Variants in HTD2 observed in about 807,000 individuals in gnomAD.
HTD2 encodes the protein hydroxyacyl-thioester dehydratase type 2, mitochondrial.
Under a neutral mutation model 3.1 loss-of-function variants are expected in HTD2, and 1 was observed. The ratio of observed to expected loss-of-function variants is 0.32; its 90% CI spans 0.11 to 1.52. The LOEUF is 1.52. HTD2 is among the 40% of genes most tolerant of loss of function. HTD2 has a pLI of 0.39. For synonymous variants in HTD2, 50 were observed against 28.9 expected, an observed-to-expected ratio of 1.73 and a Z score of -2.34; for missense variants, 150 against 79.6, an observed-to-expected ratio of 1.88 and a Z score of -3.36.
intron 4 of HTD2, 94 bp downstream of exon 4, chr3:58,317,087 G>A: frequency 1.1e-6 from 1 of 896,376 alleles, no homozygotes; most frequent in Non-Finnish European, 1.8e-6. Flanking sequence ...TTGCATAAAT[G>A]TAATATGGTT....
At chr3:58,312,586 G>A (rs149748422) in intron 2 of HTD2, among the ~76,000 whole-genome samples, 110 of 152,272 alleles carry the variant, frequency 7.2e-4, no homozygotes, top group African/African-American at 2.6e-3. Flanking sequence ...TACTCAAAGT[G>A]TGGCCTAGAC....
chr3:58,311,563 G>A (rs1014752909), intron 2 of HTD2, among the ~76,000 whole-genome samples: 1 of 151,988 alleles, frequency 6.6e-6, no homozygotes, highest in Non-Finnish European at 1.5e-5. Context: ...TCATGATGCT[G>A]CAAATGACAG....
chr3:58,314,346 G>C (rs2097485892), intron 2 of HTD2, among the ~76,000 whole-genome samples: 1 of 152,062 alleles, frequency 6.6e-6, no homozygotes, highest in Non-Finnish European at 1.5e-5. Flanking sequence ...GAGAGACTCT[G>C]TCTCAAAAAA....
In HTD2 at chr3:58,317,636, A is replaced by G. The variant is rs1204457438; in HGVS notation, c.23A>G (p.His8Arg). 4.1e-6 allele frequency: 3 copies of G among 731,888 alleles called. No homozygotes were observed. In the South Asian group the frequency reaches 4.4e-5, roughly 11 times the overall value. The allele number at this position is 731,888 out of a possible 1,614,324, so 45.3% of individuals were successfully genotyped here. ...AAGATGTTCCCACTAATTTCCAGCC[A>G]TCACCTTTGGTGGGGTGGGCTTCGG... MFPLISS[H>R]HLWWGGLRRT... Residue 8 changes from histidine to arginine, a missense_variant, in exon 5 of 5, where the codon CAT becomes CGT. Transcript: ENST00000461393.
At chr3:58,314,917 C>T (rs13081138) in intron 2 of HTD2, among the ~76,000 whole-genome samples, 10,669 of 152,024 alleles carry the variant, frequency 0.07, 492 homozygotes, top group South Asian at 0.1. Flanking sequence ...AATCTCTTGA[C>T]CTTGTGATCC....
At position 58,317,475 on chromosome 3, in the gene HTD2, T is replaced by C; in HGVS notation, c.-139T>C. 3 of 1,597,454 alleles carry C rather than the reference T, an allele frequency of 1.9e-6. No homozygotes were observed. Among genetic ancestry groups the C allele is most frequent in the South Asian group, 1.1e-5 (1 of 90,604 alleles). ...TTCTTCTTGCATTATCTGGTAATAG[T>C]AGGGAACTAGTATTGGATTGAATGA... On this transcript the variant is annotated 5_prime_UTR_variant, in exon 5 of 5. Transcript: ENST00000461393.
At chr3:58,316,859 A>G (rs17059171) in intron 3 of HTD2, 56 bp from the exon 4 acceptor site, 128,838 of 1,400,158 alleles carry the variant, frequency 0.092, 7,828 homozygotes, top group African/African-American at 0.27. Context: ...CCTTAGTTGA[A>G]GTTCATTTTG....
chr3:58,313,091 G>A (rs1040115117), intron 2 of HTD2, among the ~76,000 whole-genome samples: 1 of 151,610 alleles, frequency 6.6e-6, no homozygotes, highest in Non-Finnish European at 1.5e-5. Context: ...GTGAAACCCT[G>A]TCTCTACTAA....
chr3:58,315,017 G>A (rs2097486823), intron 2 of HTD2, among the ~76,000 whole-genome samples: 1 of 152,074 alleles, frequency 6.6e-6, no homozygotes, highest in African/African-American at 2.4e-5. Flanking sequence ...ACGTGCATCT[G>A]CCATAGAACC....
intron 3 of HTD2, 148 bp from the exon 4 acceptor site, chr3:58,316,767 G>C (rs1000643635): frequency 2.3e-6 from 2 of 864,396 alleles, no homozygotes; most frequent in African/African-American, 1.7e-5. Flanking sequence ...CTCTAGAGAG[G>C]GCAAAACTTA....
chr3:58,309,140 G>A (rs1173323755), intron 1 of HTD2, among the ~76,000 whole-genome samples: 1 of 152,210 alleles, frequency 6.6e-6, no homozygotes, highest in Admixed American at 6.5e-5. Flanking sequence ...ACGGCAGAAC[G>A]ACCATCCCTC....
chr3:58,316,486 G>A (rs1575548034), intron 2 of HTD2, 29 bp from the exon 3 acceptor site: 1 of 1,585,658 alleles, frequency 6.3e-7, no homozygotes, highest in East Asian at 2.2e-5. Context: ...GGTGAGAATA[G>A]CCTGCTAATA....
At position 58,314,928 on chromosome 3, in the gene HTD2, G is replaced by A. The variant is rs1056800002; in HGVS notation, c.-330-1587G>A. Among the ~76,000 whole-genome samples, 4 of 151,982 alleles carry A rather than the reference G, an allele frequency of 2.6e-5. No individual in the cohort carries two copies. In the South Asian group the frequency reaches 6.2e-4, roughly 24 times the overall value. ...TCTCAATCTCTTGACCTTGTGATCC[G>A]CCTGCCTTGGCCTCCCAAAGTGCTG... is the stretch of plus-strand genomic sequence containing the variant. On this transcript the variant is annotated intron_variant, in intron 2 of 4. Coordinates refer to ENST00000461393, the MANE Select transcript of HTD2 (RefSeq NM_001348712.2).
intron 1 of HTD2, among the ~76,000 whole-genome samples, chr3:58,308,540 A>G (rs931203775): frequency 2.6e-5 from 4 of 151,874 alleles, no homozygotes; most frequent in Non-Finnish European, 5.9e-5. Flanking sequence ...AACTGTTGAG[A>G]TTACAGGCAT....
intron 2 of HTD2, among the ~76,000 whole-genome samples, chr3:58,314,040 A>C (rs1049112154): frequency 6.6e-6 from 1 of 152,186 alleles, no homozygotes; most frequent in Non-Finnish European, 1.5e-5. Flanking sequence ...TGGTCAACAG[A>C]ACAAGACCAT....
intron 2 of HTD2, among the ~76,000 whole-genome samples, chr3:58,315,182 A>T (rs1477341062): frequency 2.0e-5 from 3 of 152,196 alleles, no homozygotes; most frequent in African/African-American, 7.2e-5. Flanking sequence ...ACTGTGGTAC[A>T]TTCCTACTAT....
At position 58,317,908 on chromosome 3, in the gene HTD2, A is replaced by G. The variant is rs1009282811; in HGVS notation, c.295A>G (p.Lys99Glu). The change falls in exon 5 of 5, where the codon AAA (lysine) becomes GAA (glutamate). Residue 99 changes from lysine (K) to glutamate (E), a missense_variant. Physicochemically the swap from Lys to Glu is moderately conservative, Grantham distance 56 (BLOSUM62 1). Coordinates refer to ENST00000461393, the MANE Select transcript of HTD2 (RefSeq NM_001348712.2). The stretch of plus-strand genomic sequence containing the variant: ...ACTTATCTCAGCTCTCCTAGGAACT[A>G]AAATGCCAGGGCCAGGCTGTGTATT... Reference protein sequence around the residue: ...NGLISALLGTKMPGPGCVFLS... With the variant: ...NGLISALLGTEMPGPGCVFLS... 8.5e-6 allele frequency: 6 copies of G among 702,894 alleles called. No homozygotes were observed. The African/African-American group carries it at 8.7e-5, about 10-fold the overall frequency. The allele number at this position is 702,894 out of a possible 1,614,324, so 43.5% of individuals were successfully genotyped here.
intron 2 of HTD2, among the ~76,000 whole-genome samples, chr3:58,314,323 C>T (rs1209373134): frequency 1.3e-5 from 2 of 151,994 alleles, no homozygotes; most frequent in African/African-American, 4.8e-5. Flanking sequence ...TGCACTCCAG[C>T]CAGGGTGACA....
intron 1 of HTD2, chr3:58,308,119 C>T (rs1339392759): frequency 6.6e-6 from 1 of 152,170 alleles, no homozygotes; most frequent in East Asian, 1.9e-4. Context: ...GTTTCTTGTT[C>T]TCCCTGCCCT....
Sources: gnomAD v4.1 joint callset for allele counts (sites outside exome capture counted in the v4.1 genomes callset) on GRCh38, gnomAD v4.1.1 for gene constraint, MANE v1.5 for transcripts, NCBI Gene and HGNC (gene_info 2026-07-23, HGNC 2026-07-21) for gene names.